Variants in NCOR2 observed in about 807,000 individuals in gnomAD.
The protein encoded by NCOR2 is nuclear receptor corepressor 2.
Under a neutral mutation model 262.9 loss-of-function variants are expected in NCOR2, and 81 were observed. That is an observed-to-expected ratio of 0.31 (90% CI 0.26 to 0.37). The LOEUF is 0.37. Among genes scored for constraint, NCOR2 ranks in the 10% least tolerant of loss-of-function variants. The probability of loss-of-function intolerance (pLI) is 1.00; values close to 1 mark genes in which losing one functional copy is unlikely to be tolerated. For synonymous variants in NCOR2, 1,659 were observed against 1,559.3 expected (o/e 1.06, Z -1.51); for missense variants, 3,385 against 3,621.4 (o/e 0.93, Z 1.68).
intron 27 of NCOR2, 51 bp downstream of exon 29, chr12:124,354,041 TG>T (rs1205278145): frequency 5.3e-6 from 8 of 1,508,830 alleles, no homozygotes; most frequent in African/African-American, 1.4e-5. Context: ...TAAGATGGGC[TG>T]GCCCCGTGCT....
At chr12:124,491,242 G>A (rs1300201199) in intron 1 of NCOR2, among the ~76,000 whole-genome samples, 1 of 152,246 alleles carries the variant, frequency 6.6e-6, no homozygotes, top group Non-Finnish European at 1.5e-5. Context: ...GCTACTAAAG[G>A]CGATGTTGTA....
At chr12:124,347,871 G>C in exon 30 of NCOR2, 1 of 1,568,826 alleles carries the variant, frequency 6.4e-7, no homozygotes, top group East Asian at 2.4e-5. Context: ...TGAGGTGGTG[G>C]GGGCTGTGTC....
Position 124,458,110 on chromosome 12 carries a change from G to T in NCOR2, c.706-948C>A, listed in dbSNP as rs75353268. On this transcript the variant is annotated intron_variant, in intron 5 of 46. Transcript: ENST00000405201. ...GCTGTGACTCAGCTGCATTGGGGCAGCCACTCAGTATTTGGCAAGGACTAG... is the reference window on the plus strand; with the variant it reads ...GCTGTGACTCAGCTGCATTGGGGCATCCACTCAGTATTTGGCAAGGACTAG... 4.8e-3 allele frequency among the ~76,000 whole-genome samples: 725 copies of T among 152,350 alleles called. 26 individuals are homozygous for T. The East Asian group carries it at 0.087, about 18-fold the overall frequency.
chr12:124,429,462 C>A, intron 10 of NCOR2, 151 bp downstream of exon 12: 2 of 765,908 alleles, frequency 2.6e-6, no homozygotes. Context: ...GGGACGGGTA[C>A]CTCAATACCC....
intron 35 of NCOR2, 24 bp downstream of exon 37, chr12:124,340,577 AC>A: frequency 6.6e-7 from 1 of 1,508,456 alleles, no homozygotes; most frequent in Non-Finnish European, 8.8e-7. Context: ...CGGGGTCCCC[AC>A]CCCAGACTGG....
intron 15 of NCOR2, 133 bp from the exon 18 acceptor site, chr12:124,398,314 G>T (rs543751219): frequency 2.2e-6 from 2 of 915,980 alleles, no homozygotes; most frequent in South Asian, 1.4e-5. Flanking sequence ...TCTGAACCCC[G>T]TGGGAAGGCC....
At chr12:124,449,789 C>A in intron 7 of NCOR2, 26 bp downstream of exon 9, 1 of 1,613,516 alleles carries the variant, frequency 6.2e-7, no homozygotes, top group South Asian at 1.1e-5. Flanking sequence ...CTCTGTGTGT[C>A]TGCACGGCTG....
chr12:124,360,251 C>A (rs2038440644), intron 22 of NCOR2, among the ~76,000 whole-genome samples: 1 of 152,248 alleles, frequency 6.6e-6, no homozygotes, highest in Admixed American at 6.5e-5. Flanking sequence ...GCACACTGTA[C>A]CCTGGCCCCA....
At chr12:124,502,532 T>C (rs941181) in intron 1 of NCOR2, among the ~76,000 whole-genome samples, 100,065 of 151,920 alleles carry the variant, frequency 0.66, 33,350 homozygotes, top group South Asian at 0.78. Flanking sequence ...GGAGGGAGTC[T>C]ACACAGCAGG....
intron 11 of NCOR2, among the ~76,000 whole-genome samples, chr12:124,425,728 C>T (rs912745294): frequency 6.6e-6 from 1 of 152,190 alleles, no homozygotes; most frequent in Non-Finnish European, 1.5e-5. Flanking sequence ...GCACAGCCCC[C>T]CTCCCTGGCC....
chr12:124,409,170 A>C (rs909998168), intron 13 of NCOR2, among the ~76,000 whole-genome samples: 7 of 152,214 alleles, frequency 4.6e-5, no homozygotes, highest in Non-Finnish European at 1.0e-4. Context: ...GTGCCAGCCG[A>C]GGCTCTGTTG....
intron 1 of NCOR2, among the ~76,000 whole-genome samples, chr12:124,563,349 G>A (rs969400882): frequency 1.3e-5 from 2 of 152,242 alleles, no homozygotes; most frequent in Admixed American, 1.3e-4. Context: ...GGGCAGTGTG[G>A]AAGTGTCCAG....
chr12:124,390,485 C>CCG (rs1555215632), intron 16 of NCOR2, among the ~76,000 whole-genome samples: 7 of 151,862 alleles, frequency 4.6e-5, no homozygotes, highest in African/African-American at 9.7e-5. Flanking sequence ...GTGACCCCCC[C>CCG]CCGTCGCCCT....
At chr12:124,333,078 G>A in intron 42 of NCOR2, 52 bp downstream of exon 44, 1 of 1,538,470 alleles carries the variant, frequency 6.5e-7, no homozygotes, top group Non-Finnish European at 8.8e-7. Context: ...GCCAAGGATG[G>A]GCAAGGGATA....
intron 1 of NCOR2, among the ~76,000 whole-genome samples, chr12:124,559,048 AC>A (rs1390851142): frequency 6.6e-6 from 1 of 151,848 alleles, no homozygotes; most frequent in South Asian, 2.1e-4. Context: ...GAAAAGACTG[AC>A]CCCCAGGAGC....
At chr12:124,502,219 G>C (rs981375900) in intron 1 of NCOR2, among the ~76,000 whole-genome samples, 17 of 152,356 alleles carry the variant, frequency 1.1e-4, no homozygotes, top group Admixed American at 1.0e-3. Flanking sequence ...AATGAGGAAG[G>C]GGGTGAAGAG....
At chr12:124,461,614 C>T (rs577974506) in intron 5 of NCOR2, among the ~76,000 whole-genome samples, 17 of 152,358 alleles carry the variant, frequency 1.1e-4, no homozygotes, top group Non-Finnish European at 1.5e-4. Context: ...CATGTCCACA[C>T]ACATCAAGGC....
At position 124,544,371 on chromosome 12, in the gene NCOR2, C is replaced by A. The variant is rs552842064; in HGVS notation, c.-164-8760G>T. Among the ~76,000 whole-genome samples, 25 of 152,358 alleles carry A rather than the reference C, an allele frequency of 1.6e-4. No individual in the cohort carries two copies. The East Asian group carries it at 3.1e-3, about 19-fold the overall frequency. On this transcript the variant is annotated intron_variant, in intron 1 of 32. Coordinates refer to the NCOR2 transcript ENST00000458234. ...AATCTGCAGCTGAACAGAAAAACCA[C>A]TGCAGACTCTCCCCAGCCTCTGCCC... is the stretch of plus-strand genomic sequence containing the variant.
At chr12:124,336,077 G>C (rs984179675) in intron 38 of NCOR2, 1 of 175,538 alleles carries the variant, frequency 5.7e-6, no homozygotes, top group South Asian at 1.4e-4. Context: ...CAACAGAGAG[G>C]AGCCATGAAC....
Sources: allele counts gnomAD v4.1 joint callset (sites outside exome capture counted in the v4.1 genomes callset), GRCh38; gene constraint gnomAD v4.1.1; transcripts MANE v1.5; gene names NCBI Gene and HGNC (gene_info 2026-07-23, HGNC 2026-07-21).